DSEL: variants seen among roughly 807,000 people sequenced by gnomAD.
The protein encoded by DSEL is dermatan-sulfate epimerase-like protein.
Under a neutral mutation model 96.6 loss-of-function variants are expected in DSEL, and 61 were observed. The ratio of observed to expected loss-of-function variants is 0.63; its 90% confidence interval spans 0.51 to 0.78. The LOEUF (loss-of-function observed/expected upper bound fraction) is 0.78. Among genes scored for constraint, DSEL ranks in the 30% least tolerant of loss-of-function variants. The pLI is 0.00. For missense variants in DSEL, 1,320 were observed against 1,430.8 expected (o/e 0.92, Z 1.25); for synonymous variants, 514 against 502.0 (o/e 1.02, Z -0.32).
Position 67,514,849 on chromosome 18 carries a change from A to G in DSEL, c.-241T>C, listed in dbSNP as rs2089466780. 11 of 503,032 alleles carry G rather than the reference A, an allele frequency of 2.2e-5. No individual in the cohort carries two copies. The South Asian group carries it at 4.6e-4, about 21-fold the overall frequency. 31.2% of individuals were successfully genotyped at this position (503,032 alleles called of 1,614,324 possible). ...AGTTTTGCTTCCAGTAAAACTTTGA[A>G]TAACGTTAAAATCTCTAATTTTTCC... On this transcript the variant is annotated 5_prime_UTR_variant, in exon 2 of 2. Transcript: ENST00000310045.
In DSEL at chr18:67,511,862, A is replaced by C; in HGVS notation, c.2747T>G (p.Phe916Cys). ...CTGCAACCAGCCTCGGAGTAAACGA[A>C]AATGCCCACTGCGGATATCTGACAC... ...WKVSDIRSGH[F>C]RLLRGWLQSL... The change falls in exon 2 of 2, where the codon TTT becomes TGT. Residue 916 changes from phenylalanine (F) to cysteine (C), a missense_variant. Phe to Cys is a radical substitution (Grantham distance 205). Around this residue, in one of 3 missense-constraint regions of DSEL, gnomAD observed 986 missense variants for 1,066.4 expected, o/e 0.92. Coordinates refer to ENST00000310045, the MANE Select transcript of DSEL (RefSeq NM_032160.3). 1 of 1,614,226 alleles carries C rather than the reference A, an allele frequency of 6.2e-7. No homozygotes were observed. Among genetic ancestry groups the C allele is most frequent in the South Asian group, 1.1e-5 (1 of 91,084 alleles).
Position 67,514,296 on chromosome 18 carries a change from G to C in DSEL, c.313C>G (p.Leu105Val). 6.2e-7 allele frequency: 1 copy of C among 1,614,230 alleles called. No homozygotes were observed. Among genetic ancestry groups the C allele is most frequent in the Non-Finnish European group, 8.5e-7 (1 of 1,180,044 alleles). The change falls in exon 2 of 2, where the codon CTA becomes GTA. Residue 105 changes from leucine (L) to valine (V), a missense_variant. This residue lies in a region of DSEL where 323 missense variants were observed against 333.1 expected (regional missense o/e 0.97). Coordinates refer to ENST00000310045, the MANE Select transcript of DSEL (RefSeq NM_032160.3). ...TVMLSNPTYYLPPPKHADFAA... is the reference protein window; with the variant it reads ...TVMLSNPTYYVPPPKHADFAA... ...AAATCAGCATGCTTTGGTGGAGGTAGGTAGTATGTTGGGTTGGACAGCATA... is the reference window on the plus strand; with the variant it reads ...AAATCAGCATGCTTTGGTGGAGGTACGTAGTATGTTGGGTTGGACAGCATA...
At position 67,511,900 on chromosome 18, in the gene DSEL, A is replaced by T. The variant is rs539889549; in HGVS notation, c.2709T>A (p.Ala903=). Residue 903 remains alanine, a synonymous_variant, in exon 2 of 2, where the codon GCT becomes GCA. Transcript: ENST00000310045. The part of the protein sequence containing the change: ...TELEIDSFVD[A]CEWKVSDIRS... Reference sequence around the variant, plus strand: ...GGATATCTGACACCTTCCATTCACAAGCATCTACAAATGAGTCGATTTCCA... The same window carrying T: ...GGATATCTGACACCTTCCATTCACATGCATCTACAAATGAGTCGATTTCCA... 1 of 1,614,194 alleles carries T rather than the reference A, an allele frequency of 6.2e-7. No individual in the cohort carries two copies. The highest frequency in any genetic ancestry group is 2.2e-5 in the East Asian group (1 of 44,884).
In DSEL at chr18:67,514,379, T is replaced by C. The variant is rs1361573482; in HGVS notation, c.230A>G (p.Gln77Arg). 1 of 1,614,114 alleles carries C rather than the reference T, an allele frequency of 6.2e-7. No individual in the cohort carries two copies. The highest frequency in any genetic ancestry group is 8.5e-7 in the Non-Finnish European group (1 of 1,180,046). ...ATGCAAATGGCTTGCACGAGACTTTTGTCTCATTGCTTGGATTTCTCCAGC... is the reference window on the plus strand; with the variant it reads ...ATGCAAATGGCTTGCACGAGACTTTCGTCTCATTGCTTGGATTTCTCCAGC... Reference protein sequence around the residue: ...FDAGEIQAMRQKSRASHLHLF... With the variant: ...FDAGEIQAMRRKSRASHLHLF... Residue 77 changes from glutamine (Q) to arginine (R), a missense_variant, in exon 2 of 2, where the codon CAA becomes CGA. Gln to Arg is a conservative substitution (Grantham distance 43). Transcript: ENST00000310045.
At position 67,511,166 on chromosome 18, in the gene DSEL, G is replaced by A; in HGVS notation, c.3443C>T (p.Pro1148Leu). The A allele has an allele frequency of 1.2e-6, 2 of 1,614,092 alleles. No homozygotes were observed. Among genetic ancestry groups the A allele is most frequent in the East Asian group, 2.2e-5 (1 of 44,870 alleles). Residue 1148 changes from proline (P) to leucine (L), a missense_variant, in exon 2 of 2, where the codon CCT becomes CTT. By Grantham distance (98) the Pro-to-Leu change is moderately conservative. This residue lies in a region of DSEL where 986 missense variants were observed against 1,066.4 expected (regional missense o/e 0.92). Coordinates refer to ENST00000310045, the MANE Select transcript of DSEL (RefSeq NM_032160.3). ...TERIFAFLGI[P>L]LSPASLNQIL... ...TTGGTTTAAACTAGCAGGAGACAAA[G>A]GAATTCCAAGAAAGGCAAAAATCCT...
rs1481929637 is a variant in DSEL, at chr18:67,516,613, G to A, written c.-1137C>T. The A allele has an allele frequency of 6.6e-6, 1 of 152,176 alleles. No individual in the cohort carries two copies. The highest frequency in any genetic ancestry group is 1.5e-5 in the Non-Finnish European group (1 of 68,088). The allele number at this position is 152,176 out of a possible 1,614,324, so 9.4% of individuals were successfully genotyped here. ...CCGGACGCTTGTGGGGGCAACCACG[G>A]ACCGCAGGACAGAGACCCGCGGGCG... On this transcript the variant is annotated 5_prime_UTR_variant, in exon 1 of 2. Coordinates refer to ENST00000310045, the MANE Select transcript of DSEL (RefSeq NM_032160.3). This position sits in a 1 kb window ranked among gnomAD's most constrained non-coding sequence, Gnocchi z 5.6.
rs1426507738 is a variant in DSEL at position 67,512,416 on chromosome 18, C to T, written c.2193G>A (p.Leu731=). 2.5e-6 allele frequency: 4 copies of T among 1,614,056 alleles called. No individual in the cohort carries two copies. Among genetic ancestry groups the T allele is most frequent in the African/African-American group, 1.3e-5 (1 of 74,934 alleles). Residue 731 remains leucine (L), a synonymous_variant, in exon 2 of 2, where the codon CTG becomes CTA. Coordinates refer to ENST00000310045, the MANE Select transcript of DSEL (RefSeq NM_032160.3). ...CCACACTGGCAAAGCCACCGAATCC[C>T]AGATAATTGAATCTTGTCTTCAGGT... is the stretch of plus-strand genomic sequence containing the variant. ...YHNLKTRFNY[L]GFGGFASVAD...
chr18:67,514,809 C>G lies in DSEL; in HGVS notation c.-201G>C. ...AAAAGAGAAAACTTAAATTGTATAT[C>G]TCTGTCCCTGGCACAGTTTTGCTTC... On this transcript the variant is annotated 5_prime_UTR_variant, in exon 2 of 2. Transcript: ENST00000310045. 1.7e-6 allele frequency: 1 copy of G among 588,572 alleles called. No homozygotes were observed. The highest frequency in any genetic ancestry group is 3.0e-6 in the Non-Finnish European group (1 of 336,576). The allele number at this position is 588,572 out of a possible 1,614,324, so 36.5% of individuals were successfully genotyped here.
chr18:67,506,728 T>C lies in DSEL; in HGVS notation c.*4242A>G, dbSNP rs1401519390. ...GGAAAAACGACGACGAACAAAAAAT[T>C]AATTGCTTGGAAGACTTAGTTGAAT... is the stretch of plus-strand genomic sequence containing the variant. On this transcript the variant is annotated 3_prime_UTR_variant, in exon 2 of 2. Coordinates refer to ENST00000310045, the MANE Select transcript of DSEL (RefSeq NM_032160.3). 6.6e-6 allele frequency: 1 copy of C among 152,078 alleles called. No individual in the cohort carries two copies. Among genetic ancestry groups the C allele is most frequent in the Non-Finnish European group, 1.5e-5 (1 of 68,018 alleles). The allele number at this position is 152,078 out of a possible 1,614,324, so 9.4% of individuals were successfully genotyped here. A position where few individuals can be genotyped will look rare whatever the true frequency, so the allele number is the denominator to read the frequency against.
At position 67,511,385 on chromosome 18, in the gene DSEL, G is replaced by A. The variant is rs749309181; in HGVS notation, c.3224C>T (p.Ser1075Leu). 1.0e-5 allele frequency: 16 copies of A among 1,602,950 alleles called. No homozygotes were observed. Among genetic ancestry groups the A allele is most frequent in the South Asian group, 4.4e-5 (4 of 91,060 alleles). ...EGGKGKCNLN[S>L]GYAFEYEPLR... ...TGGTTCATACTCGAAAGCATAACCC[G>A]AATTTAAGTTACATTTGCCTTTACC... Residue 1075 changes from serine (S) to leucine (L), a missense_variant, in exon 2 of 2, where the codon TCG becomes TTG. Coordinates refer to ENST00000310045, the MANE Select transcript of DSEL (RefSeq NM_032160.3).
In DSEL at chr18:67,514,804, T is replaced by C. The variant is rs1189647985; in HGVS notation, c.-196A>G. On this transcript the variant is annotated 5_prime_UTR_variant, in exon 2 of 2. The change creates a new upstream start codon in the 5' untranslated region. Coordinates refer to ENST00000310045, the MANE Select transcript of DSEL (RefSeq NM_032160.3). ...TGCCAAAAAGAGAAAACTTAAATTG[T>C]ATATCTCTGTCCCTGGCACAGTTTT... is the stretch of plus-strand genomic sequence containing the variant. 6.6e-6 allele frequency: 4 copies of C among 607,240 alleles called. No individual in the cohort carries two copies. Among genetic ancestry groups the C allele is most frequent in the African/African-American group, 5.6e-5 (3 of 53,782 alleles). 37.6% of individuals were successfully genotyped at this position (607,240 alleles called of 1,614,324 possible). A position where few individuals can be genotyped will look rare whatever the true frequency, so the allele number is the denominator to read the frequency against.
In DSEL at chr18:67,510,383, G is replaced by C. The variant is rs1430455848; in HGVS notation, c.*587C>G. 6.6e-6 allele frequency: 1 copy of C among 152,206 alleles called. No individual in the cohort carries two copies. The highest frequency in any genetic ancestry group is 1.9e-4 in the East Asian group (1 of 5,200). The allele number at this position is 152,206 out of a possible 1,614,324, so 9.4% of individuals were successfully genotyped here. A position where few individuals can be genotyped will look rare whatever the true frequency, so the allele number is the denominator to read the frequency against. On this transcript the variant is annotated 3_prime_UTR_variant, in exon 2 of 2. Transcript: ENST00000310045. ...GACCTCAAAAAAACATATTCATTCT[G>C]TATTTCCATCTGTATTTCCCAGAAG...
Position 67,508,267 on chromosome 18 carries a change from C to T in DSEL, c.*2703G>A, listed in dbSNP as rs1473003243. The T allele has an allele frequency of 6.6e-6, 1 of 152,064 alleles. No homozygotes were observed. The highest frequency in any genetic ancestry group is 1.9e-4 in the East Asian group (1 of 5,182). 9.4% of individuals were successfully genotyped at this position (152,064 alleles called of 1,614,324 possible). ...CTAGATCACCCTAAGGGTGCAGGACCTGGGAACATGCTGGGAGAGTCAATC... is the reference window on the plus strand; with the variant it reads ...CTAGATCACCCTAAGGGTGCAGGACTTGGGAACATGCTGGGAGAGTCAATC... On this transcript the variant is annotated 3_prime_UTR_variant, in exon 2 of 2. Coordinates refer to ENST00000310045, the MANE Select transcript of DSEL (RefSeq NM_032160.3).
rs1033311929 is a variant in DSEL, at chr18:67,508,258, G to A, written c.*2712C>T. The A allele has an allele frequency of 6.6e-6, 1 of 152,082 alleles. No homozygotes were observed. The highest frequency in any genetic ancestry group is 2.4e-5 in the African/African-American group (1 of 41,394). The allele number at this position is 152,082 out of a possible 1,614,324, so 9.4% of individuals were successfully genotyped here. On this transcript the variant is annotated 3_prime_UTR_variant, in exon 2 of 2. Transcript: ENST00000310045. Reference sequence around the variant, plus strand: ...AAAATTTTCCTAGATCACCCTAAGGGTGCAGGACCTGGGAACATGCTGGGA... The same window carrying A: ...AAAATTTTCCTAGATCACCCTAAGGATGCAGGACCTGGGAACATGCTGGGA...
At position 67,514,051 on chromosome 18, in the gene DSEL, G is replaced by A. The variant is rs777194273; in HGVS notation, c.558C>T (p.Asn186=). The A allele has an allele frequency of 2.0e-5, 32 of 1,613,926 alleles. No homozygotes were observed. The highest frequency in any genetic ancestry group is 6.8e-6 in the Non-Finnish European group (8 of 1,179,976). The change falls in exon 2 of 2, where the codon AAC becomes AAT. Residue 186 remains asparagine, a synonymous_variant. Coordinates refer to ENST00000310045, the MANE Select transcript of DSEL (RefSeq NM_032160.3). ...GFATAFDFLY[N]LLDNHRRQKY... ...TTTGTCTTCGATGATTATCTAATAA[G>A]TTATATAAAAAGTCAAAGGCAGTGG...
Position 67,514,626 on chromosome 18 carries a change from C to T in DSEL, c.-18G>A, listed in dbSNP as rs747645170. The T allele has an allele frequency of 3.1e-6, 5 of 1,612,240 alleles. No homozygotes were observed. The highest frequency in any genetic ancestry group is 1.7e-4 in the Middle Eastern group (1 of 6,046). On this transcript the variant is annotated 5_prime_UTR_variant, in exon 2 of 2. Transcript: ENST00000310045. ...AACGCCATGATCCATGGGGGAGCTC[C>T]TCCCTTAGGCATACATGTCAGATAT... is the stretch of plus-strand genomic sequence containing the variant.
In DSEL at chr18:67,514,398, C is replaced by T. The variant is rs759440230; in HGVS notation, c.211G>A (p.Glu71Lys). 24 of 1,614,042 alleles carry T rather than the reference C, an allele frequency of 1.5e-5. No homozygotes were observed. Among genetic ancestry groups the T allele is most frequent in the Non-Finnish European group, 2.0e-5 (24 of 1,180,036 alleles). Residue 71 changes from glutamate to lysine, a missense_variant, in exon 2 of 2, where the codon GAA becomes AAA. This residue lies in a region of DSEL where 323 missense variants were observed against 333.1 expected (regional missense o/e 0.97). Transcript: ENST00000310045. ...GACTTTTGTCTCATTGCTTGGATTT[C>T]TCCAGCATCAAAATATAAACTTGGA... The part of the protein sequence containing the change: ...LHPSLYFDAG[E>K]IQAMRQKSRA...
Position 67,511,703 on chromosome 18 carries a change from T to G in DSEL, c.2906A>C (p.Glu969Ala). 6.2e-7 allele frequency: 1 copy of G among 1,614,166 alleles called. No homozygotes were observed. The highest frequency in any genetic ancestry group is 8.5e-7 in the Non-Finnish European group (1 of 1,180,016). Residue 969 changes from glutamate to alanine, a missense_variant, in exon 2 of 2, where the codon GAA (glutamate) becomes GCA (alanine). By Grantham distance (107) the Glu-to-Ala change is moderately radical. Transcript: ENST00000310045. The part of the protein sequence containing the change: ...RKFKRRESLP[E>A]QRSQMKGAFD... Reference sequence around the variant, plus strand: ...GGCGCCTTTCATTTGACTTCTTTGTTCTGGCAAAGACTCTCTCCTTTTAAA... The same window carrying G: ...GGCGCCTTTCATTTGACTTCTTTGTGCTGGCAAAGACTCTCTCCTTTTAAA...
Position 67,513,793 on chromosome 18 carries a change from A to G in DSEL, c.816T>C (p.Ser272=). The G allele has an allele frequency of 6.2e-7, 1 of 1,614,210 alleles. No individual in the cohort carries two copies. The highest frequency in any genetic ancestry group is 8.5e-7 in the Non-Finnish European group (1 of 1,180,038). ...MFLLNHIVDG[S]LDEGVAYGSY... ...TTCCATAGGCCACACCTTCATCCAA[A>G]GAACCATCAACAATATGATTCAATA... The change falls in exon 2 of 2, where the codon TCT becomes TCC. Residue 272 remains serine, a synonymous_variant. Coordinates refer to ENST00000310045, the MANE Select transcript of DSEL (RefSeq NM_032160.3).
Sources: gnomAD v4.1 joint callset for allele counts on GRCh38, gnomAD v4.1.1 for gene constraint, gnomAD v4.1.1 regional missense constraint, Gnocchi (gnomAD v3.1) non-coding constraint, MANE v1.5 for transcripts, NCBI Gene and HGNC (gene_info 2026-07-23, HGNC 2026-07-21) for gene names.